The following USP44 variants were observed in gnomAD, a reference collection of about 807,000 sequenced individuals.
USP44 encodes ubiquitin specific peptidase 44.
Under a neutral mutation model 69.0 loss-of-function variants are expected in USP44, and 61 were observed. The observed-to-expected ratio is 0.88, with a 90% confidence interval of 0.72 to 1.09. The LOEUF is 1.09. Among genes scored for constraint, USP44 ranks in the 50% least tolerant of loss-of-function variants. The pLI, the probability that USP44 is intolerant of heterozygous loss-of-function variation, is 0.00. For missense variants in USP44, 753 were observed against 849.9 expected (o/e 0.89, Z 1.42); for synonymous variants, 297 against 295.4 (o/e 1.01, Z -0.06).
chr12:95,531,784 G>A (rs145451059), intron 2 of USP44, among the ~76,000 whole-genome samples: 3 of 152,122 alleles, frequency 2.0e-5, no homozygotes, highest in African/African-American at 7.2e-5. Flanking sequence ...GGTGTGCAGG[G>A]GGAAGGAAAT....
chr12:95,518,199 A>G lies in USP44; in HGVS notation c.2094T>C (p.His698=), dbSNP rs1291213311. Residue 698 remains histidine (H), a synonymous_variant, in exon 6 of 6, where the codon CAT becomes CAC. Coordinates refer to ENST00000258499, the MANE Select transcript of USP44 (RefSeq NM_032147.5). ...ACGAGGTATCAGCGTCTTCATTGGGATGTTGGCTCCCCAACAGGAGCTCTG... is the reference window on the plus strand; with the variant it reads ...ACGAGGTATCAGCGTCTTCATTGGGGTGTTGGCTCCCCAACAGGAGCTCTG... The part of the protein sequence containing the change: ...LPPELLLGSQ[H]PNEDADTSSN... 6.2e-7 allele frequency: 1 copy of G among 1,614,156 alleles called. No homozygotes were observed. The highest frequency in any genetic ancestry group is 8.5e-7 in the Non-Finnish European group (1 of 1,180,032).
chr12:95,542,421 C>CCTG (rs2077418911), intron 1 of USP44, among the ~76,000 whole-genome samples: 1 of 152,110 alleles, frequency 6.6e-6, no homozygotes, highest in Non-Finnish European at 1.5e-5. Flanking sequence ...ATTCTTGGAG[C>CCTG]AACCAACTAG....
intron 4 of USP44, among the ~76,000 whole-genome samples, chr12:95,523,005 A>T (rs2076716158): frequency 6.6e-6 from 1 of 151,866 alleles, no homozygotes; most frequent in African/African-American, 2.4e-5. Flanking sequence ...CTCCATAAAA[A>T]CCCAAAAGGA....
At chr12:95,544,570 T>G (rs902071256) in intron 1 of USP44, among the ~76,000 whole-genome samples, 1 of 152,114 alleles carries the variant, frequency 6.6e-6, no homozygotes, top group African/African-American at 2.4e-5. Context: ...TTCAGATCCC[T>G]TCTTTAAAAA....
intron 4 of USP44, among the ~76,000 whole-genome samples, chr12:95,523,954 G>C (rs1247120902): frequency 6.6e-6 from 1 of 151,916 alleles, no homozygotes; most frequent in East Asian, 1.9e-4. Context: ...TTGGCTCACT[G>C]CAACCTCTGC....
chr12:95,529,372 C>T (rs1037371099), intron 2 of USP44, among the ~76,000 whole-genome samples: 2 of 151,588 alleles, frequency 1.3e-5, no homozygotes, highest in Non-Finnish European at 2.9e-5. Context: ...CATTCACATG[C>T]ATTAAGTTTA....
intron 1 of USP44, among the ~76,000 whole-genome samples, chr12:95,545,271 C>T (rs1253929932): frequency 2.7e-5 from 4 of 150,748 alleles, no homozygotes; most frequent in East Asian, 3.9e-4. Flanking sequence ...AAAAGTGTCA[C>T]AGTAACCATC....
At position 95,520,007 on chromosome 12, in the gene USP44, C is replaced by CAAAAAAAAAA. The variant is rs56348745; in HGVS notation, c.1939+980_1939+989dup. Reference sequence around the variant, plus strand: ...CAGGGGAAAGAGTGAGACTCTGTCTCAAAAAAAAAAAAAAAAAAAAAAAAA... The same window carrying CAAAAAAAAAA: ...CAGGGGAAAGAGTGAGACTCTGTCTCAAAAAAAAAAAAAAAAAAAAAAAAAAAAAAAAAAA... On this transcript the variant is annotated intron_variant, in intron 5 of 5. Transcript: ENST00000258499. 1.1e-3 allele frequency among the ~76,000 whole-genome samples: 38 copies of CAAAAAAAAAA among 34,528 alleles called. 1 individual carries two copies. The highest frequency in any genetic ancestry group is 1.2e-3 in the African/African-American group (11 of 9,216). The allele number at this position is 34,528 out of a possible 152,430, so 22.7% of individuals were successfully genotyped here. A position where few individuals can be genotyped will look rare whatever the true frequency, so the allele number is the denominator to read the frequency against.
chr12:95,525,505 A>G (rs1251778529), intron 3 of USP44, among the ~76,000 whole-genome samples: 1 of 151,910 alleles, frequency 6.6e-6, no homozygotes, highest in East Asian at 1.9e-4. Context: ...AAGAAAAAAG[A>G]AAAAAAAAGT....
At position 95,516,731 on chromosome 12, in the gene USP44, T is replaced by TATCA. The variant is rs778822259; in HGVS notation, c.*1419_*1422dup. The TATCA allele has an allele frequency of 1.6e-4, 25 of 152,332 alleles. No individual in the cohort carries two copies. The highest frequency in any genetic ancestry group is 6.0e-4 in the African/African-American group (25 of 41,570). The allele number at this position is 152,332 out of a possible 1,614,324, so 9.4% of individuals were successfully genotyped here. A position where few individuals can be genotyped will look rare whatever the true frequency, so the allele number is the denominator to read the frequency against. ...TGATAAAAGTCTCACTGCACCTCAC[T>TATCA]ATCAGCTAACCCAGATGACTTGTTT... On this transcript the variant is annotated 3_prime_UTR_variant, in exon 6 of 6. Transcript: ENST00000258499.
intron 1 of USP44, among the ~76,000 whole-genome samples, chr12:95,539,392 A>G (rs1191239881): frequency 6.6e-6 from 1 of 151,818 alleles, no homozygotes; most frequent in African/African-American, 2.4e-5. Context: ...CACCCAGCTA[A>G]TTTTTCTGTA....
chr12:95,549,829 T>C (rs2077690419), intron 1 of USP44, among the ~76,000 whole-genome samples: 1 of 152,044 alleles, frequency 6.6e-6, no homozygotes, highest in African/African-American at 2.4e-5. Context: ...CCAAACACCG[T>C]AAAAGGCAAG....
rs765578005 is a variant in USP44 at position 95,533,044 on chromosome 12, T to C, written c.1213A>G (p.Met405Val). The change falls in exon 2 of 6, where the codon ATG (methionine) becomes GTG (valine). Residue 405 changes from methionine to valine, a missense_variant. Physicochemically the swap from Met to Val is conservative, Grantham distance 21 (BLOSUM62 1). Coordinates refer to ENST00000258499, the MANE Select transcript of USP44 (RefSeq NM_032147.5). ...ATGAGTCTCCACACTGAGTGTAGCATAGCAAATGGTGAGACCAACGCCCAC... is the reference window on the plus strand; with the variant it reads ...ATGAGTCTCCACACTGAGTGTAGCACAGCAAATGGTGAGACCAACGCCCAC... ...GKWALVSPFA[M>V]LHSVWRLIPA... 7.4e-6 allele frequency: 12 copies of C among 1,614,244 alleles called. No homozygotes were observed. The highest frequency in any genetic ancestry group is 2.2e-5 in the East Asian group (1 of 44,886).
chr12:95,528,676 G>A (rs1035996039), intron 3 of USP44, 131 bp downstream of exon 3: 37 of 878,744 alleles, frequency 4.2e-5, no homozygotes, highest in African/African-American at 1.0e-4. Flanking sequence ...AAGTGAAAAC[G>A]TCTGTTTCTT....
At position 95,518,302 on chromosome 12, in the gene USP44, T is replaced by G. The variant is rs2076540905; in HGVS notation, c.1991A>C (p.Glu664Ala). The change falls in exon 6 of 6, where the codon GAA becomes GCA. Residue 664 changes from glutamate (E) to alanine (A), a missense_variant. Glu to Ala is a moderately radical substitution (Grantham distance 107). Coordinates refer to ENST00000258499, the MANE Select transcript of USP44 (RefSeq NM_032147.5). ...GATATAAGCTTGAGCCTTGCATACT[T>G]CATCCATAGTGCACATGCTTAGTTT... ...DSKLSMCTMD[E>A]VCKAQAYILF... 3.7e-6 allele frequency: 6 copies of G among 1,614,186 alleles called. No individual in the cohort carries two copies. Among genetic ancestry groups the G allele is most frequent in the Non-Finnish European group, 5.1e-6 (6 of 1,180,026 alleles).
At chr12:95,522,353 A>G (rs12302673) in intron 4 of USP44, among the ~76,000 whole-genome samples, 1 of 152,138 alleles carries the variant, frequency 6.6e-6, no homozygotes, top group Non-Finnish European at 1.5e-5. Context: ...AAGATGAACC[A>G]TTCAAATTAT....
At chr12:95,526,431 G>C (rs537089561) in intron 3 of USP44, among the ~76,000 whole-genome samples, 405 of 152,228 alleles carry the variant, frequency 2.7e-3, no homozygotes, top group Middle Eastern at 6.8e-3. Context: ...AATTAGCCAG[G>C]CGTGGTGGCG....
intron 1 of USP44, among the ~76,000 whole-genome samples, chr12:95,544,624 C>T (rs2077513221): frequency 6.6e-6 from 1 of 151,690 alleles, no homozygotes; most frequent in Non-Finnish European, 1.5e-5. Context: ...TGAATAAACA[C>T]ACAAAAAAGT....
At chr12:95,539,906 T>G (rs1250534045) in intron 1 of USP44, among the ~76,000 whole-genome samples, 1 of 152,152 alleles carries the variant, frequency 6.6e-6, no homozygotes, top group Non-Finnish European at 1.5e-5. Flanking sequence ...ATATCACAGG[T>G]AATATATTTA....
Sources: gnomAD v4.1 joint callset for allele counts (sites outside exome capture counted in the v4.1 genomes callset) on GRCh38, gnomAD v4.1.1 for gene constraint, MANE v1.5 for transcripts, NCBI Gene and HGNC (gene_info 2026-07-23, HGNC 2026-07-21) for gene names.